The following PRKCB variants were observed in gnomAD, a reference collection of about 807,000 sequenced individuals.
PRKCB encodes protein kinase C beta type.
A neutral mutation model predicts 81.5 loss-of-function variants in PRKCB; 13 were observed. That is an observed-to-expected ratio of 0.16 (90% confidence interval 0.10 to 0.25). PRKCB has a LOEUF of 0.25. PRKCB is among the 10% of genes least tolerant of loss of function. The pLI, the probability that PRKCB is intolerant of heterozygous loss-of-function variation, is 1.00. For missense variants in PRKCB, 509 were observed against 875.7 expected, an observed-to-expected ratio of 0.58 and a Z score of 5.29; for synonymous variants, 335 against 321.4, an observed-to-expected ratio of 1.04 and a Z score of -0.45.
intron 16 of PRKCB, among the ~76,000 whole-genome samples, chr16:24,205,145 C>T (rs866805896): frequency 6.7e-4 from 77 of 115,668 alleles, no homozygotes; most frequent in African/African-American, 2.3e-3. Flanking sequence ...ATTATAATTC[C>T]TTTTTTTTTT....
intron 5 of PRKCB, among the ~76,000 whole-genome samples, chr16:24,066,256 T>C (rs1966033283): frequency 1.3e-5 from 2 of 152,198 alleles, no homozygotes; most frequent in African/African-American, 4.8e-5. Context: ...ATGTTAGACC[T>C]TGGTACTGTG....
chr16:24,044,306 C>G (rs906728627), intron 5 of PRKCB, among the ~76,000 whole-genome samples: 1 of 152,052 alleles, frequency 6.6e-6, no homozygotes, highest in Non-Finnish European at 1.5e-5. Flanking sequence ...TTGCAGTGAA[C>G]AGAGATCAGG....
chr16:24,002,529 G>A (rs1183617906), intron 3 of PRKCB, among the ~76,000 whole-genome samples: 10 of 151,928 alleles, frequency 6.6e-5, no homozygotes, highest in African/African-American at 9.7e-5. Context: ...TTGTAGAGAC[G>A]GGGTTTCACC....
chr16:23,890,666 C>T (rs760688349), intron 2 of PRKCB, among the ~76,000 whole-genome samples: 3 of 152,210 alleles, frequency 2.0e-5, no homozygotes, highest in Non-Finnish European at 2.9e-5. Context: ...TTTGTGATAC[C>T]CTCATTGACT....
At chr16:23,869,970 C>T (rs938260679) in intron 2 of PRKCB, among the ~76,000 whole-genome samples, 3 of 150,692 alleles carry the variant, frequency 2.0e-5, no homozygotes, top group African/African-American at 7.3e-5. Flanking sequence ...TGCGGTGAGC[C>T]GAGATCGCGC....
intron 10 of PRKCB, among the ~76,000 whole-genome samples, chr16:24,166,121 A>G (rs1967344111): frequency 6.6e-6 from 1 of 152,036 alleles, no homozygotes; most frequent in African/African-American, 2.4e-5. Flanking sequence ...TCTTGGCCTT[A>G]AGTGATCTGT....
intron 2 of PRKCB, among the ~76,000 whole-genome samples, chr16:23,925,391 C>CCAT (rs1311456697): frequency 7.9e-5 from 12 of 152,122 alleles, no homozygotes; most frequent in African/African-American, 2.6e-4. Flanking sequence ...GTATCTGTGG[C>CCAT]CATGATAATC....
chr16:24,174,284 T>C (rs1380915351), intron 11 of PRKCB: 1 of 505,120 alleles, frequency 2.0e-6, no homozygotes, highest in African/African-American at 1.9e-5. Context: ...TTCTCCACTA[T>C]ACAATTGCTG....
chr16:24,167,178 G>T (rs897945063), intron 10 of PRKCB, among the ~76,000 whole-genome samples: 4 of 151,256 alleles, frequency 2.6e-5, no homozygotes, highest in Non-Finnish European at 5.9e-5. Context: ...CAGGGGCTGG[G>T]TGTCGGCAGT....
Position 24,218,055 on chromosome 16 carries a change from T to A in PRKCB, c.*3239T>A. The A allele has an allele frequency of 1.0e-6, 1 of 985,312 alleles. No individual in the cohort carries two copies. Among genetic ancestry groups the A allele is most frequent in the Non-Finnish European group, 1.2e-6 (1 of 829,852 alleles). The allele number at this position is 985,312 out of a possible 1,614,324, so 61.0% of individuals were successfully genotyped here. On this transcript the variant is annotated 3_prime_UTR_variant, in exon 17 of 17. Coordinates refer to ENST00000643927, the MANE Select transcript of PRKCB (RefSeq NM_002738.7). Reference sequence around the variant, plus strand: ...CCACAAATAATTACAAACAACCTACTGTGTGCCAGGCACTATTCTTAGCAC... The same window carrying A: ...CCACAAATAATTACAAACAACCTACAGTGTGCCAGGCACTATTCTTAGCAC...
intron 5 of PRKCB, among the ~76,000 whole-genome samples, chr16:24,036,167 G>A (rs1965615563): frequency 6.6e-6 from 1 of 152,100 alleles, no homozygotes; most frequent in Non-Finnish European, 1.5e-5. Context: ...TTAGAAAGCA[G>A]GATGGTACAG....
At chr16:24,091,902 C>T (rs538290713) in intron 5 of PRKCB, among the ~76,000 whole-genome samples, 5 of 152,302 alleles carry the variant, frequency 3.3e-5, no homozygotes, top group Admixed American at 1.3e-4. Context: ...AGCCTTCTCT[C>T]TATGGGCTGT....
At chr16:24,148,565 C>G (rs1452671145) in intron 9 of PRKCB, among the ~76,000 whole-genome samples, 1 of 152,204 alleles carries the variant, frequency 6.6e-6, no homozygotes, top group Non-Finnish European at 1.5e-5. Context: ...TGTTGCCTCT[C>G]TCAGTTGAAG....
intron 2 of PRKCB, among the ~76,000 whole-genome samples, chr16:23,866,559 C>G (rs1040518192): frequency 2.0e-5 from 3 of 152,152 alleles, no homozygotes; most frequent in Admixed American, 1.3e-4. Context: ...GAACTTTCTC[C>G]CATGCATATG....
intron 5 of PRKCB, among the ~76,000 whole-genome samples, chr16:24,085,542 T>C (rs1042198789): frequency 1.3e-5 from 2 of 152,212 alleles, no homozygotes; most frequent in Admixed American, 6.5e-5. Context: ...AAATTTGGAC[T>C]CTCTTAAGAG....
intron 5 of PRKCB, among the ~76,000 whole-genome samples, chr16:24,041,976 T>TC (rs1965703335): frequency 7.9e-6 from 1 of 126,530 alleles, no homozygotes; most frequent in Non-Finnish European, 1.6e-5. Flanking sequence ...AGAGTGAGAC[T>TC]CCATCTTGGA....
chr16:23,872,466 A>G (rs970923215), intron 2 of PRKCB, among the ~76,000 whole-genome samples: 20 of 152,164 alleles, frequency 1.3e-4, no homozygotes, highest in African/African-American at 4.8e-4. Context: ...AGCTGCAGTG[A>G]ACTATGATTG....
intron 2 of PRKCB, among the ~76,000 whole-genome samples, chr16:23,849,886 A>C (rs1271572065): frequency 6.6e-6 from 1 of 152,146 alleles, no homozygotes; most frequent in African/African-American, 2.4e-5. Flanking sequence ...TACACTTATT[A>C]TTGACTATGT....
chr16:23,890,761 G>A (rs566299225), intron 2 of PRKCB, among the ~76,000 whole-genome samples: 169 of 152,212 alleles, frequency 1.1e-3, no homozygotes, highest in African/African-American at 3.7e-3. Flanking sequence ...CCTTTCTTCT[G>A]GGAACATCAT....
Sources: allele counts gnomAD v4.1 joint callset (sites outside exome capture counted in the v4.1 genomes callset), GRCh38; gene constraint gnomAD v4.1.1; transcripts MANE v1.5; gene names NCBI Gene and HGNC (gene_info 2026-07-23, HGNC 2026-07-21).